PCDHAC2: variants seen among roughly 807,000 people sequenced by gnomAD.
The protein encoded by PCDHAC2 is protocadherin alpha subfamily C, 2.
In PCDHAC2, 24 loss-of-function variants were observed where a neutral mutation model predicts 63.3. That is an observed-to-expected ratio of 0.38 (90% CI 0.27 to 0.53). The LOEUF (loss-of-function observed/expected upper bound fraction) is 0.53. Among genes scored for constraint, PCDHAC2 ranks in the 20% least tolerant of loss-of-function variants. The probability of loss-of-function intolerance (pLI) is 0.81; values close to 1 mark genes in which losing one functional copy is unlikely to be tolerated. For synonymous variants in PCDHAC2, 569 were observed against 529.4 expected (o/e 1.07, Z -1.03); for missense variants, 1,181 against 1,275.2 (o/e 0.93, Z 1.12).
intron 3 of PCDHAC2, among the ~76,000 whole-genome samples, chr5:140,995,219 GT>G (rs1554254532): frequency 6.6e-6 from 1 of 152,072 alleles, no homozygotes; most frequent in East Asian, 1.9e-4. Flanking sequence ...CAATACTCTT[GT>G]GCTTTGGGGC....
chr5:140,971,165 G>A (rs1390176241), intron 1 of PCDHAC2, among the ~76,000 whole-genome samples: 1 of 152,136 alleles, frequency 6.6e-6, no homozygotes, highest in Non-Finnish European at 1.5e-5. Context: ...GCTCAGCTTT[G>A]CCACCAGCTG....
chr5:140,978,915 A>T, intron 1 of PCDHAC2, 34 bp from the exon 2 acceptor site: 3 of 1,613,970 alleles, frequency 1.9e-6, no homozygotes, highest in Non-Finnish European at 2.5e-6. Flanking sequence ...TTGTCTTGTC[A>T]TTTTAACAGA....
In PCDHAC2 at chr5:140,985,229, G is replaced by T. The variant is rs903728570; in HGVS notation, c.2713+2666G>T. ...TGGGATTACAGGCGTGAGCCACCGC[G>T]CCTGGCCTAATCTTCTTACTCTTTT... On this transcript the variant is annotated intron_variant, in intron 3 of 3. Transcript: ENST00000289269. 3.9e-5 allele frequency among the ~76,000 whole-genome samples: 6 copies of T among 152,216 alleles called. No homozygotes were observed. The South Asian group carries it at 6.2e-4, about 16-fold the overall frequency.
chr5:141,008,594 C>A (rs1018305560), intron 3 of PCDHAC2, among the ~76,000 whole-genome samples: 1 of 152,214 alleles, frequency 6.6e-6, no homozygotes, highest in African/African-American at 2.4e-5. Context: ...GCAGATTTCA[C>A]CTCCTCTGGA....
At chr5:141,000,558 G>A (rs1462892656) in intron 3 of PCDHAC2, among the ~76,000 whole-genome samples, 1 of 149,136 alleles carries the variant, frequency 6.7e-6, no homozygotes, top group Admixed American at 6.8e-5. Flanking sequence ...CTCCCGAGTA[G>A]CTGGGATTAC....
chr5:141,000,894 ATAGACGCT>A (rs1348330251), intron 3 of PCDHAC2, among the ~76,000 whole-genome samples: 1 of 152,128 alleles, frequency 6.6e-6, no homozygotes, highest in African/African-American at 2.4e-5. Context: ...GGCAACAGAT[ATAGACGCT>A]GTCTCTAAAA....
rs1192512561 is a variant in PCDHAC2, at chr5:140,967,039, G to GCTGGAC, written c.277_282dup (p.Asp93_Leu94dup). On this transcript the variant is annotated inframe_insertion, in exon 1 of 4. Coordinates refer to ENST00000289269, the MANE Select transcript of PCDHAC2 (RefSeq NM_018899.6). ...GTGCGCCCAGTCCGCGCTACCTGGA[G>GCTGGAC]CTGGACCTGACGAGTGGAGCGCTCT... 2 of 1,611,626 alleles carry GCTGGAC rather than the reference G, an allele frequency of 1.2e-6. No homozygotes were observed. Among genetic ancestry groups the GCTGGAC allele is most frequent in the Non-Finnish European group, 1.7e-6 (2 of 1,179,472 alleles).
At chr5:140,982,713 A>G (rs2096998735) in intron 3 of PCDHAC2, 150 bp downstream of exon 3, 2 of 1,373,774 alleles carry the variant, frequency 1.5e-6, no homozygotes, top group African/African-American at 1.5e-5. Flanking sequence ...CCTTACATAT[A>G]TGATTATTTT....
intron 1 of PCDHAC2, among the ~76,000 whole-genome samples, chr5:140,974,407 A>T (rs1441174003): frequency 6.6e-6 from 1 of 152,244 alleles, no homozygotes; most frequent in African/African-American, 2.4e-5. Flanking sequence ...TTCTAAAGTT[A>T]TGTTTATTTT....
Position 140,984,851 on chromosome 5 carries a change from A to G in PCDHAC2, c.2713+2288A>G, listed in dbSNP as rs986424116. Among the ~76,000 whole-genome samples the G allele has an allele frequency of 2.6e-5, 4 of 152,200 alleles. No individual in the cohort carries two copies. In the South Asian group the frequency reaches 6.2e-4, roughly 24 times the overall value. ...TTTCTGTAAATTGGGTGTAGTAATA[A>G]TAATAACACCTATTTTATTGAGTTA... On this transcript the variant is annotated intron_variant, in intron 3 of 3. Coordinates refer to ENST00000289269, the MANE Select transcript of PCDHAC2 (RefSeq NM_018899.6).
rs1554231789 is a variant in PCDHAC2 at position 140,969,430 on chromosome 5, A to G, written c.2565+99A>G. ...CTTTATTGAGTCATTAACAGTGACAAGAGTTATCTGGTAAACTGAGTATAT... is the reference window on the plus strand; with the variant it reads ...CTTTATTGAGTCATTAACAGTGACAGGAGTTATCTGGTAAACTGAGTATAT... On this transcript the variant is annotated intron_variant, in intron 1 of 3. Transcript: ENST00000289269. The G allele has an allele frequency of 1.2e-5, 19 of 1,554,588 alleles. 1 individual carries two copies. The Admixed American group carries it at 3.5e-4, about 29-fold the overall frequency.
intron 1 of PCDHAC2, among the ~76,000 whole-genome samples, chr5:140,971,092 G>A (rs1263264725): frequency 2.0e-5 from 3 of 152,168 alleles, no homozygotes; most frequent in Non-Finnish European, 4.4e-5. Flanking sequence ...ACAAATTCTT[G>A]TGAAGCCCTT....
At chr5:140,980,948 G>C (rs72802987) in intron 2 of PCDHAC2, among the ~76,000 whole-genome samples, 1 of 152,206 alleles carries the variant, frequency 6.6e-6, no homozygotes, top group Non-Finnish European at 1.5e-5. Flanking sequence ...CTGGCTCCAG[G>C]ATAGTTACAC....
At chr5:141,007,329 TTGCCTGAGCTCAG>T (rs1554261175) in intron 3 of PCDHAC2, among the ~76,000 whole-genome samples, 2 of 149,734 alleles carry the variant, frequency 1.3e-5, no homozygotes. Context: ...AGTGGACAGA[TTGCCTGAGCTCAG>T]GAGTTCGAGA....
Position 140,968,624 on chromosome 5 carries a change from C to CT in PCDHAC2, c.1864dup (p.Tyr622LeufsTer8). ...CTCAGACTCTGGGCAAAATGCTTGGCTTTTTTACCATCTAGCCCAGACTTC... is the reference window on the plus strand; with the variant it reads ...CTCAGACTCTGGGCAAAATGCTTGGCTTTTTTTACCATCTAGCCCAGACTTC... On this transcript the variant is annotated frameshift_variant, in exon 1 of 4. Coordinates refer to ENST00000289269, the MANE Select transcript of PCDHAC2 (RefSeq NM_018899.6). LOFTEE classifies it high-confidence loss of function. 3 of 1,614,176 alleles carry CT rather than the reference C, an allele frequency of 1.9e-6. No individual in the cohort carries two copies. The highest frequency in any genetic ancestry group is 2.2e-5 in the East Asian group (1 of 44,866).
intron 3 of PCDHAC2, among the ~76,000 whole-genome samples, chr5:140,988,398 C>A (rs531157517): frequency 1.3e-5 from 2 of 152,238 alleles, no homozygotes; most frequent in Non-Finnish European, 2.9e-5. Context: ...TGCCAGAGTT[C>A]TCTTCGCAGC....
intron 3 of PCDHAC2, among the ~76,000 whole-genome samples, chr5:141,004,051 A>G (rs2098149842): frequency 6.6e-6 from 1 of 152,240 alleles, no homozygotes; most frequent in East Asian, 1.9e-4. Flanking sequence ...ATTTGCTGAT[A>G]CTGGCCCCTG....
chr5:140,984,878 C>G (rs2097124872), intron 3 of PCDHAC2, among the ~76,000 whole-genome samples: 1 of 151,854 alleles, frequency 6.6e-6, no homozygotes, highest in African/African-American at 2.4e-5. Flanking sequence ...ATTGAGTTAC[C>G]ATGAGAACTA....
At chr5:141,001,451 A>T (rs2098018648) in intron 3 of PCDHAC2, among the ~76,000 whole-genome samples, 1 of 152,310 alleles carries the variant, frequency 6.6e-6, no homozygotes, top group African/African-American at 2.4e-5. Flanking sequence ...TTCCACTGTC[A>T]ATTGAAGGAC....
Sources: allele counts gnomAD v4.1 joint callset (sites outside exome capture counted in the v4.1 genomes callset), GRCh38; gene constraint gnomAD v4.1.1; transcripts MANE v1.5; gene names NCBI Gene and HGNC (gene_info 2026-07-23, HGNC 2026-07-21).